The following TTC27 variants were observed in gnomAD, a reference collection of about 807,000 sequenced individuals.
The protein encoded by TTC27 is tetratricopeptide repeat domain 27, also known as tetratricopeptide repeat protein 27.
Under a neutral mutation model 115.9 loss-of-function variants are expected in TTC27, and 79 were observed. The observed-to-expected ratio is 0.68, with a 90% CI of 0.57 to 0.82. The LOEUF is 0.82. Among genes scored for constraint, TTC27 ranks in the 40% least tolerant of loss-of-function variants. TTC27 has a pLI of 0.00. For synonymous variants in TTC27, 401 were observed against 356.0 expected (o/e 1.13, Z -1.42); for missense variants, 1,054 against 993.1 (o/e 1.06, Z -0.82).
At chr2:32,675,688 T>G (rs1666172260) in intron 8 of TTC27, among the ~76,000 whole-genome samples, 1 of 152,232 alleles carries the variant, frequency 6.6e-6, no homozygotes. Flanking sequence ...GGCTGATCTC[T>G]GTCTGATCCC....
chr2:32,663,672 GTATGTATGTATT>G lies in TTC27; in HGVS notation c.641-627_641-616del, dbSNP rs1391435227. Among the ~76,000 whole-genome samples the G allele has an allele frequency of 2.7e-3, 344 of 129,106 alleles. 3 individuals carry two copies. Among genetic ancestry groups the G allele is most frequent in the Non-Finnish European group, 4.6e-3 (271 of 59,086 alleles). 84.7% of individuals were successfully genotyped at this position (129,106 alleles called of 152,430 possible). A position where few individuals can be genotyped will look rare whatever the true frequency, so the allele number is the denominator to read the frequency against. On this transcript the variant is annotated intron_variant, in intron 5 of 19. Transcript: ENST00000317907. ...TGTATGTATGTATGTATGTATGTAT[GTATGTATGTATT>G]TATTTATTTATTTATTTGGAGACGG... is the stretch of plus-strand genomic sequence containing the variant.
Position 32,678,853 on chromosome 2 carries a change from A to C in TTC27, c.1053-3A>C. On this transcript the variant is annotated splice_region_variant and splice_polypyrimidine_tract_variant and intron_variant, in intron 8 of 19. Coordinates refer to ENST00000317907, the MANE Select transcript of TTC27 (RefSeq NM_017735.5). ...TAATTTACCTTTTTTTCTTAATTTA[A>C]AGCACTAATTTTCAAAAGAATAACC... 6.2e-7 allele frequency: 1 copy of C among 1,604,650 alleles called. No individual in the cohort carries two copies. Among genetic ancestry groups the C allele is most frequent in the Non-Finnish European group, 8.5e-7 (1 of 1,175,474 alleles).
At chr2:32,814,656 T>C (rs1436773503) in intron 18 of TTC27, among the ~76,000 whole-genome samples, 4 of 152,190 alleles carry the variant, frequency 2.6e-5, no homozygotes, top group African/African-American at 7.2e-5. Flanking sequence ...TGTAAAACCA[T>C]ATTTTTACTG....
intron 10 of TTC27, among the ~76,000 whole-genome samples, chr2:32,730,032 A>G (rs1260654765): frequency 6.6e-6 from 1 of 152,164 alleles, no homozygotes; most frequent in Non-Finnish European, 1.5e-5. Context: ...CATGGAGCAC[A>G]TTGTTTATAT....
chr2:32,713,803 T>A (rs1216408137), intron 10 of TTC27, among the ~76,000 whole-genome samples: 1 of 152,198 alleles, frequency 6.6e-6, no homozygotes, highest in Non-Finnish European at 1.5e-5. Flanking sequence ...GGGGTACATG[T>A]GCAAGTTGTT....
chr2:32,675,793 T>TG (rs990497511), intron 8 of TTC27, among the ~76,000 whole-genome samples: 30 of 152,040 alleles, frequency 2.0e-4, no homozygotes, highest in Non-Finnish European at 3.7e-4. Flanking sequence ...TTCTTTTTTT[T>TG]TTGTTTTGTT....
chr2:32,632,442 A>T (rs1440353308), intron 2 of TTC27, among the ~76,000 whole-genome samples: 2 of 152,172 alleles, frequency 1.3e-5, no homozygotes, highest in Non-Finnish European at 2.9e-5. Context: ...TAAAGCTAAA[A>T]AGAGACATTT....
chr2:32,758,861 A>G (rs758620759), intron 13 of TTC27, among the ~76,000 whole-genome samples: 1 of 152,224 alleles, frequency 6.6e-6, no homozygotes, highest in East Asian at 1.9e-4. Flanking sequence ...TGCAGACAGC[A>G]TAGGACTTTG....
At chr2:32,693,625 G>C (rs977034928) in intron 9 of TTC27, among the ~76,000 whole-genome samples, 2 of 152,098 alleles carry the variant, frequency 1.3e-5, no homozygotes, top group Non-Finnish European at 2.9e-5. Context: ...ATATTACTAG[G>C]TAATTTATAT....
intron 9 of TTC27, among the ~76,000 whole-genome samples, chr2:32,696,140 T>C (rs894670630): frequency 6.7e-6 from 1 of 149,204 alleles, no homozygotes; most frequent in Non-Finnish European, 1.5e-5. Flanking sequence ...AAAAAAAAAA[T>C]AATTGTTCTT....
chr2:32,812,262 A>G (rs781361989), intron 17 of TTC27, among the ~76,000 whole-genome samples: 8 of 152,172 alleles, frequency 5.3e-5, no homozygotes, highest in Non-Finnish European at 1.0e-4. Flanking sequence ...CCTGGCCTTT[A>G]TATCTTTCTG....
Position 32,758,293 on chromosome 2 carries a change from C to G in TTC27, c.1454C>G (p.Ala485Gly), listed in dbSNP as rs756589198. 6.2e-7 allele frequency: 1 copy of G among 1,613,450 alleles called. No individual in the cohort carries two copies. The highest frequency in any genetic ancestry group is 8.5e-7 in the Non-Finnish European group (1 of 1,179,816). The part of the protein sequence containing the change: ...CYERAGQHGK[A>G]EEILRQELEK... ...TTTCATTATTTCTGTTGTTTCTAGG[C>G]AGAAGAAATCCTTAGACAAGAGCTG... Residue 485 changes from alanine to glycine, a missense_variant and splice_region_variant, in exon 13 of 20, where the codon GCA (alanine) becomes GGA (glycine). Coordinates refer to ENST00000317907, the MANE Select transcript of TTC27 (RefSeq NM_017735.5).
At chr2:32,703,847 G>C (rs1266157034) in intron 10 of TTC27, among the ~76,000 whole-genome samples, 1 of 152,186 alleles carries the variant, frequency 6.6e-6, no homozygotes, top group Non-Finnish European at 1.5e-5. Context: ...ATATACCTGA[G>C]ACTAGGTAAT....
intron 7 of TTC27, 81 bp from the exon 8 acceptor site, chr2:32,672,191 C>T: frequency 1.0e-6 from 1 of 968,684 alleles, no homozygotes; most frequent in Middle Eastern, 2.2e-4. Context: ...TTTATCCTTT[C>T]TAGCAATCTA....
intron 10 of TTC27, among the ~76,000 whole-genome samples, chr2:32,713,393 C>T (rs1416267990): frequency 6.6e-6 from 1 of 152,126 alleles, no homozygotes; most frequent in East Asian, 1.9e-4. Context: ...TCTTTCATAT[C>T]AAACTCCTTT....
chr2:32,646,559 T>G (rs914356620), intron 4 of TTC27, among the ~76,000 whole-genome samples: 42 of 144,236 alleles, frequency 2.9e-4, no homozygotes, highest in African/African-American at 1.1e-3. Context: ...TATATTTGGT[T>G]TTTTTTTTTT....
At chr2:32,706,071 C>G (rs1294686357) in intron 10 of TTC27, among the ~76,000 whole-genome samples, 1 of 114,934 alleles carries the variant, frequency 8.7e-6, no homozygotes, top group Non-Finnish European at 1.9e-5. Context: ...CCTTATTTAC[C>G]TTACTCTTTT....
At chr2:32,781,761 C>T (rs994194584) in intron 14 of TTC27, among the ~76,000 whole-genome samples, 2 of 152,170 alleles carry the variant, frequency 1.3e-5, no homozygotes, top group Non-Finnish European at 2.9e-5. Flanking sequence ...ATAACCTTTT[C>T]TTAAGGTATA....
chr2:32,698,900 G>T (rs6543667), intron 9 of TTC27, among the ~76,000 whole-genome samples: 103,855 of 151,456 alleles, frequency 0.69, 36,215 homozygotes, highest in South Asian at 0.81. Flanking sequence ...TATTATGTCA[G>T]GATAACTAGT....
Sources: allele counts gnomAD v4.1 joint callset (sites outside exome capture counted in the v4.1 genomes callset), GRCh38; gene constraint gnomAD v4.1.1; transcripts MANE v1.5; gene names NCBI Gene and HGNC (gene_info 2026-07-23, HGNC 2026-07-21).